ZBBX: variants seen among roughly 807,000 people sequenced by gnomAD.
ZBBX encodes zinc finger B-box domain containing, also known as zinc finger B-box domain-containing protein 1.
ZBBX carries 101 observed loss-of-function variants against 108.5 expected under a neutral mutation model. The ratio of observed to expected loss-of-function variants is 0.93; its 90% CI spans 0.79 to 1.10. ZBBX has a LOEUF of 1.10. ZBBX is among the 50% of genes least tolerant of loss of function. The pLI is 0.00. For missense variants in ZBBX, 1,009 were observed against 941.4 expected (o/e 1.07, Z -0.94); for synonymous variants, 356 against 323.4 (o/e 1.10, Z -1.08).
chr3:167,251,003 G>A (rs142238270), intron 20 of ZBBX, among the ~76,000 whole-genome samples: 12 of 152,268 alleles, frequency 7.9e-5, no homozygotes, highest in African/African-American at 2.6e-4. Context: ...GCTGGATAGC[G>A]AGAGGACGTT....
At chr3:167,284,683 G>A (rs983179847) in intron 19 of ZBBX, among the ~76,000 whole-genome samples, 3 of 152,070 alleles carry the variant, frequency 2.0e-5, no homozygotes, top group African/African-American at 7.2e-5. Flanking sequence ...GTACACAAAG[G>A]ACAGGTCAGA....
At chr3:167,234,416 T>G in the ZBBX span, among the ~76,000 whole-genome samples, 3 of 151,852 alleles carry the variant, frequency 2.0e-5, no homozygotes, top group East Asian at 3.9e-4. Context: ...TTTAAAGAGA[T>G]GTGGAATGTG....
chr3:167,398,893 C>G (rs1010003322), intron 1 of ZBBX, among the ~76,000 whole-genome samples: 1 of 151,900 alleles, frequency 6.6e-6, no homozygotes, highest in Non-Finnish European at 1.5e-5. Flanking sequence ...ATGGGTTAAT[C>G]TATTCATGGA....
chr3:167,386,081 T>C (rs752180608), intron 1 of ZBBX, among the ~76,000 whole-genome samples: 12 of 151,540 alleles, frequency 7.9e-5, no homozygotes, highest in Admixed American at 2.0e-4. Context: ...GAGATTGAGA[T>C]TGAGAGAGAA....
At chr3:167,338,135 T>C (rs1173780606) in intron 9 of ZBBX, among the ~76,000 whole-genome samples, 2 of 152,202 alleles carry the variant, frequency 1.3e-5, no homozygotes, top group African/African-American at 4.8e-5. Context: ...AGATGTGATT[T>C]ACTGCCAGCA....
chr3:167,314,206 A>G (rs1255504712), intron 15 of ZBBX, 90 bp from the exon 16 acceptor site: 2 of 1,107,874 alleles, frequency 1.8e-6, no homozygotes, highest in African/African-American at 3.2e-5. Context: ...TAAAACAAAT[A>G]TAGTAAAACT....
intron 1 of ZBBX, among the ~76,000 whole-genome samples, chr3:167,390,508 T>C (rs540051226): frequency 2.6e-5 from 4 of 152,174 alleles, no homozygotes; most frequent in Admixed American, 6.5e-5. Context: ...AGTTGTTTTT[T>C]TTTTTCTAAT....
At chr3:167,211,599 G>A in the ZBBX span, among the ~76,000 whole-genome samples, 1 of 152,174 alleles carries the variant, frequency 6.6e-6, no homozygotes, top group African/African-American at 2.4e-5. Flanking sequence ...GGGAAAGGCT[G>A]CCATCTTTGC....
intron 20 of ZBBX, among the ~76,000 whole-genome samples, chr3:167,254,255 A>C (rs1276304863): frequency 6.6e-6 from 1 of 152,154 alleles, no homozygotes; most frequent in Non-Finnish European, 1.5e-5. Context: ...AAAAGGAGGT[A>C]CAAAAGGAGG....
chr3:167,255,043 G>A (rs73169133), intron 20 of ZBBX, among the ~76,000 whole-genome samples: 1 of 151,938 alleles, frequency 6.6e-6, no homozygotes, highest in Non-Finnish European at 1.5e-5. Flanking sequence ...TATTATCCTC[G>A]GCCAATTTGC....
At chr3:167,329,812 G>A (rs1738110400) in intron 10 of ZBBX, among the ~76,000 whole-genome samples, 1 of 152,144 alleles carries the variant, frequency 6.6e-6, no homozygotes, top group South Asian at 2.1e-4. Context: ...TAAACCCATT[G>A]GACATGTAAA....
At chr3:167,179,328 A>G in the ZBBX span, among the ~76,000 whole-genome samples, 7 of 152,238 alleles carry the variant, frequency 4.6e-5, no homozygotes, top group South Asian at 1.4e-3. Context: ...GCTTCTTTTC[A>G]GGTAATGCTG....
chr3:167,271,791 C>T (rs1726570235), intron 20 of ZBBX, among the ~76,000 whole-genome samples: 1 of 152,198 alleles, frequency 6.6e-6, no homozygotes, highest in African/African-American at 2.4e-5. Context: ...CACGGAAATG[C>T]CCCCAGTTGC....
intron 11 of ZBBX, among the ~76,000 whole-genome samples, chr3:167,325,561 C>T (rs1016605965): frequency 2.2e-4 from 34 of 152,216 alleles, no homozygotes; most frequent in African/African-American, 7.9e-4. Context: ...AACCATAACA[C>T]CTGGTATGGA....
intron 5 of ZBBX, among the ~76,000 whole-genome samples, chr3:167,367,761 A>C (rs1186134766): frequency 6.6e-6 from 1 of 151,454 alleles, no homozygotes; most frequent in Non-Finnish European, 1.5e-5. Flanking sequence ...CCTAGAGCTA[A>C]GAAGAGAGAA....
the ZBBX span, among the ~76,000 whole-genome samples, chr3:167,206,446 T>A: frequency 6.6e-6 from 1 of 152,028 alleles, no homozygotes; most frequent in Non-Finnish European, 1.5e-5. Flanking sequence ...ACAATGAACA[T>A]AAATGAACAG....
Position 167,282,271 on chromosome 3 carries a change from C to G in ZBBX, c.2221G>C (p.Glu741Gln). Residue 741 changes from glutamate to glutamine, a missense_variant, in exon 20 of 22, where the codon GAA (glutamate) becomes CAA (glutamine). Physicochemically the swap from Glu to Gln is conservative, Grantham distance 29 (BLOSUM62 2). Transcript: ENST00000675490. The stretch of plus-strand genomic sequence containing the variant: ...GATCTCAGCACTTGTAATTCTTTTT[C>G]CAAATTGTCTAAAGTATGTTGATCA... The part of the protein sequence containing the change: ...TTDQHTLDNL[E>Q]KELQVLRSLA... 2.5e-6 allele frequency: 4 copies of G among 1,610,788 alleles called. No individual in the cohort carries two copies. Among genetic ancestry groups the G allele is most frequent in the Non-Finnish European group, 3.4e-6 (4 of 1,178,798 alleles).
chr3:167,255,396 A>C, intron 20 of ZBBX, among the ~76,000 whole-genome samples: 1 of 152,102 alleles, frequency 6.6e-6, no homozygotes, highest in African/African-American at 2.4e-5. Flanking sequence ...GGGAAGTCAT[A>C]GAAGAAAATG....
chr3:167,316,342 C>A (rs1411037317), intron 14 of ZBBX, among the ~76,000 whole-genome samples: 1 of 152,086 alleles, frequency 6.6e-6, no homozygotes, highest in African/African-American at 2.4e-5. Flanking sequence ...GGTAAGTTCT[C>A]CATTCTAGTC....
Sources: gnomAD v4.1 joint callset for allele counts (sites outside exome capture counted in the v4.1 genomes callset) on GRCh38, gnomAD v4.1.1 for gene constraint, MANE v1.5 for transcripts, NCBI Gene and HGNC (gene_info 2026-07-23, HGNC 2026-07-21) for gene names.